The following ADTRP variants were observed in gnomAD, a reference collection of about 807,000 sequenced individuals.
ADTRP encodes the protein androgen dependent TFPI regulating protein.
In ADTRP, 20 loss-of-function variants were observed where a neutral mutation model predicts 27.0. That is an observed-to-expected ratio of 0.74 (90% CI 0.52 to 1.08). The LOEUF (loss-of-function observed/expected upper bound fraction) is 1.08, where lower values mean the gene tolerates loss of function less well. Among genes scored for constraint, ADTRP ranks in the 50% least tolerant of loss-of-function variants. The pLI is 0.00. For missense variants in ADTRP, 251 were observed against 275.0 expected, an observed-to-expected ratio of 0.91 and a Z score of 0.62; for synonymous variants, 101 against 105.2, an observed-to-expected ratio of 0.96 and a Z score of 0.25.
chr6:11,746,005 G>A (rs1162256248), intron 3 of ADTRP, among the ~76,000 whole-genome samples: 2 of 152,144 alleles, frequency 1.3e-5, no homozygotes, highest in Non-Finnish European at 2.9e-5. Flanking sequence ...TGGCCAGGCT[G>A]GTCTCGAACT....
chr6:11,725,145 G>A (rs983130549), intron 4 of ADTRP, among the ~76,000 whole-genome samples: 5 of 152,156 alleles, frequency 3.3e-5, no homozygotes, highest in African/African-American at 7.2e-5. Context: ...ATTCAGGACC[G>A]GGAGTAGGGT....
chr6:11,734,770 G>T (rs938004613), intron 4 of ADTRP, among the ~76,000 whole-genome samples: 2 of 152,044 alleles, frequency 1.3e-5, no homozygotes, highest in African/African-American at 2.4e-5. Flanking sequence ...AAACTTCCCC[G>T]CATATAGGGA....
intron 1 of ADTRP, among the ~76,000 whole-genome samples, chr6:11,777,442 C>G (rs934742850): frequency 6.6e-6 from 1 of 151,896 alleles, no homozygotes; most frequent in African/African-American, 2.4e-5. Context: ...AATAGAGACA[C>G]AAACCTTAGG....
At chr6:11,773,535 G>A (rs1201147954) in intron 1 of ADTRP, among the ~76,000 whole-genome samples, 1 of 152,218 alleles carries the variant, frequency 6.6e-6, no homozygotes, top group African/African-American at 2.4e-5. Context: ...AGTTATGGCA[G>A]GCAGCAACGC....
chr6:11,767,241 G>A lies in ADTRP; in HGVS notation c.289-866C>T, dbSNP rs7750303. 6.1e-3 allele frequency among the ~76,000 whole-genome samples: 925 copies of A among 152,260 alleles called. 11 individuals carry two copies. Among genetic ancestry groups the A allele is most frequent in the African/African-American group, 0.021 (867 of 41,562 alleles). ...ACAAAAAAGTAGCCAGGTGAGACAG[G>A]AGGATCACTTGAGCCTGGGAGGTTG... On this transcript the variant is annotated intron_variant, in intron 2 of 5. Coordinates refer to ENST00000414691, the MANE Select transcript of ADTRP (RefSeq NM_032744.4).
chr6:11,768,132 G>C, intron 2 of ADTRP, 117 bp downstream of exon 2: 1 of 1,283,024 alleles, frequency 7.8e-7, no homozygotes, highest in Non-Finnish European at 1.1e-6. Flanking sequence ...GGACATTGTT[G>C]TAAATGCAGT....
intron 4 of ADTRP, among the ~76,000 whole-genome samples, chr6:11,734,199 C>A (rs1762473268): frequency 6.6e-6 from 1 of 152,232 alleles, no homozygotes. Context: ...AATCCAGGTC[C>A]CAGATACTCT....
At chr6:11,726,134 G>A (rs140376705) in intron 4 of ADTRP, among the ~76,000 whole-genome samples, 9 of 152,280 alleles carry the variant, frequency 5.9e-5, no homozygotes, top group Admixed American at 2.6e-4. Flanking sequence ...TAAACCAGTC[G>A]TAAAAGGACA....
At chr6:11,760,267 A>G (rs2113312812) in intron 3 of ADTRP, among the ~76,000 whole-genome samples, 2 of 152,314 alleles carry the variant, frequency 1.3e-5, no homozygotes, top group South Asian at 4.1e-4. Flanking sequence ...CACACTCTCA[A>G]AACTGCCCTT....
Position 11,735,580 on chromosome 6 carries a change from G to A in ADTRP, c.494C>T (p.Ala165Val), listed in dbSNP as rs1287002938. ...GLTLLAAASI[A>V]YISRILWLYF... ...ATGTAATTCTTACCGGCTGATGTAA[G>A]CAATGCTGGCAGCAGCCAGCAAGGT... Residue 165 changes from alanine to valine, a missense_variant, in exon 4 of 6, where the codon GCT becomes GTT. Coordinates refer to ENST00000414691, the MANE Select transcript of ADTRP (RefSeq NM_032744.4). 1.2e-6 allele frequency: 2 copies of A among 1,612,726 alleles called. No homozygotes were observed. The highest frequency in any genetic ancestry group is 2.7e-5 in the African/African-American group (2 of 75,036).
At chr6:11,767,890 G>C (rs1044001027) in intron 2 of ADTRP, 3 of 190,258 alleles carry the variant, frequency 1.6e-5, no homozygotes, top group Non-Finnish European at 3.2e-5. Flanking sequence ...ATGTATAAAA[G>C]GGGAAAATTC....
intron 1 of ADTRP, among the ~76,000 whole-genome samples, chr6:11,776,858 AC>A (rs1763971110): frequency 1.3e-5 from 2 of 152,214 alleles, no homozygotes; most frequent in African/African-American, 4.8e-5. Context: ...GGAGGGAGCC[AC>A]TGTGGTTTCC....
intron 1 of ADTRP, chr6:11,770,153 G>A: frequency 9.8e-6 from 14 of 1,428,872 alleles, no homozygotes; most frequent in Non-Finnish European, 1.3e-5. Flanking sequence ...ATTGTGGGAG[G>A]TCAGAAGAGA....
At chr6:11,774,194 A>C (rs2113355954) in intron 1 of ADTRP, among the ~76,000 whole-genome samples, 1 of 152,186 alleles carries the variant, frequency 6.6e-6, no homozygotes, top group African/African-American at 2.4e-5. Flanking sequence ...CTGTAGTCCC[A>C]GCTACTGAGG....
intron 3 of ADTRP, among the ~76,000 whole-genome samples, chr6:11,762,022 C>T (rs1016038942): frequency 6.6e-6 from 1 of 152,150 alleles, no homozygotes; most frequent in African/African-American, 2.4e-5. Flanking sequence ...AGCAGCCCAA[C>T]AATTTCACAC....
At chr6:11,723,160 G>A (rs986206902) in intron 5 of ADTRP, among the ~76,000 whole-genome samples, 189 bp downstream of exon 5, 5 of 152,182 alleles carry the variant, frequency 3.3e-5, no homozygotes, top group Admixed American at 6.5e-5. Flanking sequence ...CTTTAAAAGA[G>A]TGCCCCACCC....
intron 4 of ADTRP, among the ~76,000 whole-genome samples, chr6:11,726,053 G>C (rs1440983960): frequency 6.6e-6 from 1 of 152,158 alleles, no homozygotes; most frequent in Non-Finnish European, 1.5e-5. Context: ...CTTATACATA[G>C]GCATTAAGAA....
chr6:11,778,775 G>A lies in ADTRP; in HGVS notation c.-16C>T. The A allele has an allele frequency of 6.2e-7, 1 of 1,611,354 alleles. No individual in the cohort carries two copies. Among genetic ancestry groups the A allele is most frequent in the Non-Finnish European group, 8.5e-7 (1 of 1,178,146 alleles). ...TCTTCGTCATGGCGAGTGCTGACCGGGGCACCGTGAATGTCTTGAGTACTT... is the reference window on the plus strand; with the variant it reads ...TCTTCGTCATGGCGAGTGCTGACCGAGGCACCGTGAATGTCTTGAGTACTT... On this transcript the variant is annotated 5_prime_UTR_variant, in exon 1 of 6. Transcript: ENST00000414691.
At chr6:11,764,614 C>T (rs536016223) in intron 3 of ADTRP, among the ~76,000 whole-genome samples, 7 of 151,500 alleles carry the variant, frequency 4.6e-5, no homozygotes, top group African/African-American at 1.7e-4. Flanking sequence ...CTTTTGATTG[C>T]CTGGTGAATT....
Sources: gnomAD v4.1 joint callset for allele counts (sites outside exome capture counted in the v4.1 genomes callset) on GRCh38, gnomAD v4.1.1 for gene constraint, MANE v1.5 for transcripts, NCBI Gene and HGNC (gene_info 2026-07-23, HGNC 2026-07-21) for gene names.